TRAPPC9: variants seen among roughly 807,000 people sequenced by gnomAD.
TRAPPC9 encodes IKK2 binding protein.
In TRAPPC9, 83 loss-of-function variants were observed where a neutral mutation model predicts 124.0. That is an observed-to-expected ratio of 0.67 (90% CI 0.56 to 0.80). The LOEUF (loss-of-function observed/expected upper bound fraction) is 0.80. Ranked by LOEUF, TRAPPC9 falls within the 30% of genes least tolerant of loss-of-function variation. The pLI, the probability that TRAPPC9 is intolerant of heterozygous loss-of-function variation, is 0.00. For synonymous variants in TRAPPC9, 638 were observed against 617.5 expected (o/e 1.03, Z -0.49); for missense variants, 1,302 against 1,508.3 (o/e 0.86, Z 2.27).
Position 140,024,061 on chromosome 8 carries a change from T to C in TRAPPC9, c.2575A>G (p.Asn859Asp). Reference protein sequence around the residue: ...SHVKTLEAVLNFKYSGGPGHT... With the variant: ...SHVKTLEAVLDFKYSGGPGHT... ...CCCGGGCCTCCAGAGTATTTGAAAT[T>C]CAGGACAGCTTCCAGGGTCTAAAAG... The change falls in exon 18 of 23, where the codon AAT becomes GAT. Residue 859 changes from asparagine (N) to aspartate (D), a missense_variant. Physicochemically the swap from Asn to Asp is conservative, Grantham distance 23 (BLOSUM62 1). Coordinates refer to ENST00000438773, the MANE Select transcript of TRAPPC9 (RefSeq NM_001160372.4). 1 of 1,613,892 alleles carries C rather than the reference T, an allele frequency of 6.2e-7. No individual in the cohort carries two copies. The highest frequency in any genetic ancestry group is 1.3e-5 in the African/African-American group (1 of 74,956).
At chr8:140,453,610 C>T (rs557363919) in intron 1 of TRAPPC9, among the ~76,000 whole-genome samples, 1 of 137,142 alleles carries the variant, frequency 7.3e-6, no homozygotes, top group South Asian at 2.3e-4. Flanking sequence ...ACCCTAGCCT[C>T]CCAACATGTC....
intron 5 of TRAPPC9, among the ~76,000 whole-genome samples, chr8:140,410,058 T>C (rs1322542967): frequency 6.7e-6 from 1 of 148,924 alleles, no homozygotes; most frequent in Non-Finnish European, 1.5e-5. Flanking sequence ...GGAGGACTGC[T>C]TGAGCCCAGA....
intron 19 of TRAPPC9, among the ~76,000 whole-genome samples, chr8:139,934,916 G>A (rs571534724): frequency 6.6e-6 from 1 of 152,268 alleles, no homozygotes; most frequent in African/African-American, 2.4e-5. Flanking sequence ...GTCAAACCAG[G>A]TTAGCTTTCC....
At chr8:140,437,841 G>A (rs1056396879) in intron 3 of TRAPPC9, among the ~76,000 whole-genome samples, 1 of 152,120 alleles carries the variant, frequency 6.6e-6, no homozygotes, top group African/African-American at 2.4e-5. Flanking sequence ...CCTCCAGGAG[G>A]CGCAGTCCCC....
chr8:140,386,888 G>C (rs1262928794), intron 7 of TRAPPC9, among the ~76,000 whole-genome samples: 1 of 152,182 alleles, frequency 6.6e-6, no homozygotes, highest in East Asian at 1.9e-4. Flanking sequence ...AACAAAGCTG[G>C]AGGCATCACG....
In TRAPPC9 at chr8:139,825,045, C is replaced by T. The variant is rs73726668; in HGVS notation, c.3055+60834G>A. ...CCCCCTCACAGAGCGCCAAAAGGAC[C>T]TCTCATTCCACAGAGAACACTCAGG... On this transcript the variant is annotated intron_variant, in intron 21 of 22. Coordinates refer to ENST00000438773, the MANE Select transcript of TRAPPC9 (RefSeq NM_001160372.4). The surrounding 1 kb of genome is among the most constrained non-coding windows in gnomAD (Gnocchi z 4.6). Among the ~76,000 whole-genome samples the T allele has an allele frequency of 0.15, 23,437 of 152,106 alleles. 1,843 individuals carry two copies. Among genetic ancestry groups the T allele is most frequent in the Admixed American group, 0.21 (3,202 of 15,292 alleles).
chr8:140,019,646 G>A (rs1048659935), intron 18 of TRAPPC9, among the ~76,000 whole-genome samples: 8 of 142,102 alleles, frequency 5.6e-5, no homozygotes, highest in Non-Finnish European at 1.2e-4. Flanking sequence ...TCTGCCTCAT[G>A]GGTTCAAGCG....
At chr8:140,358,981 G>A (rs972406800) in intron 9 of TRAPPC9, among the ~76,000 whole-genome samples, 6 of 152,172 alleles carry the variant, frequency 3.9e-5, no homozygotes, top group Admixed American at 3.3e-4. Context: ...AGGCCCTGCT[G>A]GGTCAGCAGA....
chr8:140,154,618 G>A (rs576002002), intron 17 of TRAPPC9, among the ~76,000 whole-genome samples: 12 of 152,072 alleles, frequency 7.9e-5, no homozygotes, highest in Non-Finnish European at 1.0e-4. Context: ...ACTCACTAAC[G>A]ATTACTCATC....
rs113773026 is a variant in TRAPPC9, at chr8:139,821,637, G to A, written c.3055+64242C>T. 4.0e-3 allele frequency among the ~76,000 whole-genome samples: 604 copies of A among 152,362 alleles called. 4 individuals are homozygous for A. The highest frequency in any genetic ancestry group is 0.014 in the African/African-American group (587 of 41,580). The stretch of plus-strand genomic sequence containing the variant: ...AGATTAACACTTTCTATACTGCTTT[G>A]CATTATTTCAATAGTTAAAATAAGC... On this transcript the variant is annotated intron_variant, in intron 21 of 22. Coordinates refer to ENST00000438773, the MANE Select transcript of TRAPPC9 (RefSeq NM_001160372.4).
At position 140,291,054 on chromosome 8, in the gene TRAPPC9, A is replaced by G; in HGVS notation, c.1793T>C (p.Val598Ala). 6.2e-7 allele frequency: 1 copy of G among 1,614,242 alleles called. No homozygotes were observed. Residue 598 changes from valine (V) to alanine (A), a missense_variant, in exon 12 of 23, where the codon GTG (valine) becomes GCG (alanine). Transcript: ENST00000438773. ...KIDFQWVQGD[V>A]CEVQLMVYNP... is the part of the protein sequence containing the mutation. ...ATATACCATCAGCTGAACTTCACAC[A>G]CATCTCCTTGAACCCACTGGAAATC...
At chr8:140,149,608 A>G (rs1420475169) in intron 17 of TRAPPC9, among the ~76,000 whole-genome samples, 1 of 150,288 alleles carries the variant, frequency 6.7e-6, no homozygotes, top group Non-Finnish European at 1.5e-5. Context: ...TAAGTGACAG[A>G]GCAAGACTCC....
chr8:140,125,385 A>C (rs763946073), intron 17 of TRAPPC9, among the ~76,000 whole-genome samples: 1 of 152,160 alleles, frequency 6.6e-6, no homozygotes, highest in Non-Finnish European at 1.5e-5. Context: ...GACACAGAGC[A>C]GGGGCACGCA....
intron 19 of TRAPPC9, chr8:139,932,845 T>A: frequency 3.3e-6 from 1 of 306,916 alleles, no homozygotes; most frequent in Non-Finnish European, 6.3e-6. Flanking sequence ...TAAGAAGATG[T>A]CAACTCATGC....
Position 139,879,359 on chromosome 8 carries a change from C to T in TRAPPC9, c.3055+6520G>A, listed in dbSNP as rs185395673. Among the ~76,000 whole-genome samples, 82 of 152,318 alleles carry T rather than the reference C, an allele frequency of 5.4e-4. 1 individual carries two copies. The highest frequency in any genetic ancestry group is 7.4e-4 in the Non-Finnish European group (50 of 68,024). ...CCCTGGATGTGGACCCTGCACCACA[C>T]GTGCTCCCAGTGGGCCTGAAGGCAG... On this transcript the variant is annotated intron_variant, in intron 21 of 22. Coordinates refer to ENST00000438773, the MANE Select transcript of TRAPPC9 (RefSeq NM_001160372.4).
At chr8:140,283,750 T>C (rs186750674) in intron 14 of TRAPPC9, 139 bp downstream of exon 14, 3 of 890,358 alleles carry the variant, frequency 3.4e-6, no homozygotes, top group Non-Finnish European at 5.5e-6. Context: ...GTATTGATGT[T>C]GCTTATCTTA....
At chr8:140,072,564 G>T (rs1587645645) in intron 17 of TRAPPC9, among the ~76,000 whole-genome samples, 1 of 35,996 alleles carries the variant, frequency 2.8e-5, no homozygotes, top group Non-Finnish European at 6.6e-5. Context: ...AGGAGGAGGA[G>T]GAGAAAGGAA....
chr8:139,792,820 C>A (rs1038782300), intron 21 of TRAPPC9, among the ~76,000 whole-genome samples: 1 of 152,228 alleles, frequency 6.6e-6, no homozygotes, highest in Non-Finnish European at 1.5e-5. Context: ...TCAGACTTTA[C>A]ATCCTACTCG....
rs536894336 is a variant in TRAPPC9, at chr8:140,407,166, T to G, written c.887-1468A>C. On this transcript the variant is annotated intron_variant, in intron 5 of 22. Transcript: ENST00000438773. ...CATCTCTGCAGGGGAGGAGACAAGA[T>G]CCTACAGAGATTAAATCTCCTTACT... Among the ~76,000 whole-genome samples, 23 of 152,330 alleles carry G rather than the reference T, an allele frequency of 1.5e-4. No homozygotes were observed. In the South Asian group the frequency reaches 4.8e-3, roughly 32 times the overall value.
Sources: allele counts gnomAD v4.1 joint callset (sites outside exome capture counted in the v4.1 genomes callset), GRCh38; gene constraint gnomAD v4.1.1; non-coding constraint Gnocchi (gnomAD v3.1); transcripts MANE v1.5; gene names NCBI Gene and HGNC (gene_info 2026-07-23, HGNC 2026-07-21).